The following COL27A1 variants were observed in gnomAD, a reference collection of about 807,000 sequenced individuals.
The protein encoded by COL27A1 is collagen type XXVII alpha 1 chain.
Under a neutral mutation model 251.3 loss-of-function variants are expected in COL27A1, and 106 were observed. That is an observed-to-expected ratio of 0.42 (90% confidence interval 0.36 to 0.50). The LOEUF (loss-of-function observed/expected upper bound fraction) is 0.50, where lower values mean the gene tolerates loss of function less well. COL27A1 is among the 20% of genes least tolerant of loss of function. The pLI is 0.00. For synonymous variants in COL27A1, 1,000 were observed against 986.3 expected, an observed-to-expected ratio of 1.01 and a Z score of -0.26; for missense variants, 2,325 against 2,522.8, an observed-to-expected ratio of 0.92 and a Z score of 1.68.
chr9:114,306,202 G>C (rs1419288467), intron 57 of COL27A1: 1 of 218,946 alleles, frequency 4.6e-6, no homozygotes, highest in Non-Finnish European at 9.1e-6. Flanking sequence ...TTTGCAGATA[G>C]AGATTGGGCC....
chr9:114,243,593 G>A, intron 23 of COL27A1, 33 bp downstream of exon 23: 1 of 1,567,610 alleles, frequency 6.4e-7, no homozygotes. Context: ...GGGGACAAGA[G>A]GAAAGAGGGG....
intron 3 of COL27A1, among the ~76,000 whole-genome samples, chr9:114,171,805 G>T (rs1849339823): frequency 1.3e-5 from 2 of 152,192 alleles, no homozygotes; most frequent in Admixed American, 6.5e-5. Flanking sequence ...AAGTTTATGA[G>T]CTGCTTCCAC....
At chr9:114,305,102 G>A (rs1828939104) in intron 57 of COL27A1, among the ~76,000 whole-genome samples, 1 of 152,214 alleles carries the variant, frequency 6.6e-6, no homozygotes, top group African/African-American at 2.4e-5. Context: ...TCAGCTGTAA[G>A]ACTCCAGGCT....
chr9:114,247,013 A>G (rs554573348), intron 24 of COL27A1, among the ~76,000 whole-genome samples: 10 of 152,302 alleles, frequency 6.6e-5, no homozygotes, highest in African/African-American at 1.4e-4. Flanking sequence ...AGCCCTAACC[A>G]TATTTTGTGC....
intron 12 of COL27A1, among the ~76,000 whole-genome samples, chr9:114,217,321 G>A (rs1830774933): frequency 6.6e-6 from 1 of 152,186 alleles, no homozygotes; most frequent in South Asian, 2.1e-4. Flanking sequence ...CACCCTTCAT[G>A]TGGCATCTCA....
chr9:114,182,482 A>G (rs1255215267), intron 4 of COL27A1, among the ~76,000 whole-genome samples: 3 of 151,518 alleles, frequency 2.0e-5, no homozygotes, highest in Non-Finnish European at 2.9e-5. Context: ...AGCAGAGGAG[A>G]TGGATGAGAA....
chr9:114,213,305 C>T (rs1830486203), intron 12 of COL27A1, among the ~76,000 whole-genome samples: 2 of 152,174 alleles, frequency 1.3e-5, no homozygotes, highest in Admixed American at 1.3e-4. Flanking sequence ...CCTCTGCATC[C>T]TCCTCATCTC....
intron 41 of COL27A1, among the ~76,000 whole-genome samples, chr9:114,286,206 T>C (rs1421683347): frequency 1.3e-5 from 2 of 151,946 alleles, no homozygotes; most frequent in African/African-American, 4.8e-5. Flanking sequence ...AGCTGGACGG[T>C]GCTAGGGAGG....
At position 114,264,955 on chromosome 9, in the gene COL27A1, G is replaced by A. The variant is rs140192759; in HGVS notation, c.3281G>A (p.Arg1094Gln). Residue 1094 changes from arginine (R) to glutamine (Q), a missense_variant, in exon 30 of 61, where the codon CGG (arginine) becomes CAG (glutamine). Arg to Gln is a conservative substitution (Grantham distance 43, BLOSUM62 1). This residue lies in a region of COL27A1 where 662 missense variants were observed against 795.3 expected (regional missense o/e 0.83). Coordinates refer to ENST00000356083, the MANE Select transcript of COL27A1 (RefSeq NM_032888.4). ...CCAGGACCCCAGGGCAGACCGGGCC[G>A]GCCTGGACAGCAGGTATGTCAGGCC... Reference protein sequence around the residue: ...GPPGPQGRPGRPGQQGVAGER... With the variant: ...GPPGPQGRPGQPGQQGVAGER... 735 of 1,613,072 alleles carry A rather than the reference G, an allele frequency of 4.6e-4. 1 individual carries two copies. The African/African-American group carries it at 8.6e-3, about 19-fold the overall frequency.
At position 114,168,085 on chromosome 9, in the gene COL27A1, G is replaced by A. The variant is rs750487305; in HGVS notation, c.530G>A (p.Arg177His). The A allele has an allele frequency of 6.8e-6, 11 of 1,610,686 alleles. No homozygotes were observed. Among genetic ancestry groups the A allele is most frequent in the South Asian group, 2.2e-5 (2 of 91,090 alleles). Residue 177 changes from arginine (R) to histidine (H), a missense_variant, in exon 3 of 61, where the codon CGC becomes CAC. This residue lies in a region of COL27A1 where 1,183 missense variants were observed against 1,144.1 expected (regional missense o/e 1.03). Coordinates refer to ENST00000356083, the MANE Select transcript of COL27A1 (RefSeq NM_032888.4). ...ACTCTGGTGACTGCCTGCGGGCAGCGCCGGGTGCCTGTCCTGCTGCCTTTC... is the reference window on the plus strand; with the variant it reads ...ACTCTGGTGACTGCCTGCGGGCAGCACCGGGTGCCTGTCCTGCTGCCTTTC... Reference protein sequence around the residue: ...TVTLVTACGQRRVPVLLPFHR... With the variant: ...TVTLVTACGQHRVPVLLPFHR...
At chr9:114,276,333 C>T (rs974699645) in intron 37 of COL27A1, among the ~76,000 whole-genome samples, 13 of 152,184 alleles carry the variant, frequency 8.5e-5, no homozygotes, top group African/African-American at 3.1e-4. Context: ...TGGCCAGGTG[C>T]GGTGGCTCAC....
chr9:114,242,379 GGAGAGAGACAA>G, intron 22 of COL27A1, 148 bp downstream of exon 22: 1 of 575,378 alleles, frequency 1.7e-6, no homozygotes, highest in East Asian at 3.2e-5. Flanking sequence ...AGACCCCAAA[GGAGAGAGACAA>G]GAGCCAAGAA....
intron 12 of COL27A1, chr9:114,217,656 G>A: frequency 7.7e-6 from 3 of 391,210 alleles, no homozygotes; most frequent in South Asian, 3.9e-5. Context: ...TGCTGGACTT[G>A]GAGAACAGGG....
intron 5 of COL27A1, among the ~76,000 whole-genome samples, chr9:114,185,431 G>T (rs2135190540): frequency 6.6e-6 from 1 of 152,350 alleles, no homozygotes; most frequent in East Asian, 1.9e-4. Flanking sequence ...AGGCTGGTGG[G>T]AGGCCCAGTT....
intron 49 of COL27A1, among the ~76,000 whole-genome samples, chr9:114,294,167 G>C (rs1243942376): frequency 6.8e-6 from 1 of 147,932 alleles, no homozygotes; most frequent in Non-Finnish European, 1.5e-5. Context: ...AGAATCGCTT[G>C]AACCTGGGAG....
At chr9:114,196,598 CAG>C (rs965905532) in intron 7 of COL27A1, among the ~76,000 whole-genome samples, 31 of 152,310 alleles carry the variant, frequency 2.0e-4, no homozygotes, top group African/African-American at 7.2e-4. Context: ...AGTGAGCTCT[CAG>C]AGTCTAATAT....
At chr9:114,273,393 C>G (rs1835279660) in intron 36 of COL27A1, 1 of 152,244 alleles carries the variant, frequency 6.6e-6, no homozygotes, top group African/African-American at 2.4e-5. Flanking sequence ...TCGGAGTCTT[C>G]TGCCTTTATC....
Position 114,280,312 on chromosome 9 carries a change from C to T in COL27A1, c.3718-1965C>T, listed in dbSNP as rs538813340. On this transcript the variant is annotated intron_variant, in intron 37 of 60. Transcript: ENST00000356083. Reference sequence around the variant, plus strand: ...CCACCTCCCAGGTTCAAGAAATTCTCATGCCTCGGCACTCCCAGGTAGCTG... The same window carrying T: ...CCACCTCCCAGGTTCAAGAAATTCTTATGCCTCGGCACTCCCAGGTAGCTG... Among the ~76,000 whole-genome samples, 16 of 152,020 alleles carry T rather than the reference C, an allele frequency of 1.1e-4. No homozygotes were observed. In the East Asian group the frequency reaches 1.9e-3, roughly 18 times the overall value.
chr9:114,279,060 C>A (rs1249749), intron 37 of COL27A1, among the ~76,000 whole-genome samples: 3 of 152,054 alleles, frequency 2.0e-5, no homozygotes, highest in Non-Finnish European at 4.4e-5. Flanking sequence ...GCCCCTGTAC[C>A]GGATGCTTCA....
Sources: allele counts gnomAD v4.1 joint callset (sites outside exome capture counted in the v4.1 genomes callset), GRCh38; gene constraint gnomAD v4.1.1; regional missense constraint gnomAD v4.1.1; transcripts MANE v1.5; gene names NCBI Gene and HGNC (gene_info 2026-07-23, HGNC 2026-07-21).